ST8SIA6: variants seen among roughly 807,000 people sequenced by gnomAD.
The protein encoded by ST8SIA6 is ST8 alpha-N-acetyl-neuraminide alpha-2,8-sialyltransferase 6.
ST8SIA6 carries 39 observed loss-of-function variants against 33.6 expected under a neutral mutation model. The ratio of observed to expected loss-of-function variants is 1.16; its 90% CI spans 0.90 to 1.52. The LOEUF (loss-of-function observed/expected upper bound fraction) is 1.52, where lower values mean the gene tolerates loss of function less well. Among genes scored for constraint, ST8SIA6 ranks in the 40% most tolerant of loss-of-function variants. The probability of loss-of-function intolerance (pLI) is 0.00; values close to 1 mark genes in which losing one functional copy is unlikely to be tolerated. For missense variants in ST8SIA6, 441 were observed against 443.8 expected, an observed-to-expected ratio of 0.99 and a Z score of 0.06; for synonymous variants, 172 against 167.2, an observed-to-expected ratio of 1.03 and a Z score of -0.22.
chr10:17,371,539 C>T (rs1011451909), intron 3 of ST8SIA6, among the ~76,000 whole-genome samples: 5 of 151,812 alleles, frequency 3.3e-5, no homozygotes, highest in Non-Finnish European at 7.4e-5. Context: ...AATCTCAACA[C>T]CTTGGAAGGG....
intron 2 of ST8SIA6, chr10:17,408,202 G>A (rs895136429): frequency 3.9e-5 from 6 of 152,570 alleles, no homozygotes; most frequent in African/African-American, 1.4e-4. Flanking sequence ...GATGACGACC[G>A]AAGAAACCCT....
intron 2 of ST8SIA6, among the ~76,000 whole-genome samples, chr10:17,446,221 C>G (rs72778947): frequency 0.1 from 15,073 of 151,254 alleles, 1,125 homozygotes; most frequent in Non-Finnish European, 0.15. Context: ...ACATCTAGGT[C>G]GAAAACAAAC....
intron 4 of ST8SIA6, among the ~76,000 whole-genome samples, chr10:17,356,429 G>T (rs1161967436): frequency 6.7e-6 from 1 of 150,344 alleles, no homozygotes; most frequent in African/African-American, 2.5e-5. Context: ...CTGTCAGCCA[G>T]CCTGCAGTGC....
chr10:17,385,983 G>A (rs1850328262), intron 3 of ST8SIA6, among the ~76,000 whole-genome samples: 1 of 152,062 alleles, frequency 6.6e-6, no homozygotes, highest in South Asian at 2.1e-4. Context: ...AGGGTTTTGA[G>A]ACCAACCTGG....
At chr10:17,337,094 G>C (rs76478444) in intron 4 of ST8SIA6, among the ~76,000 whole-genome samples, 3 of 152,252 alleles carry the variant, frequency 2.0e-5, no homozygotes, top group Admixed American at 6.5e-5. Flanking sequence ...TCTCGTGATA[G>C]TGACTGAGTT....
At chr10:17,428,063 C>T (rs1290267706) in intron 2 of ST8SIA6, among the ~76,000 whole-genome samples, 2 of 152,232 alleles carry the variant, frequency 1.3e-5, no homozygotes, top group East Asian at 1.9e-4. Context: ...GTTTTGACTT[C>T]ATTTTAAGCC....
At chr10:17,400,900 A>G (rs946316873) in intron 2 of ST8SIA6, among the ~76,000 whole-genome samples, 1 of 152,204 alleles carries the variant, frequency 6.6e-6, no homozygotes, top group African/African-American at 2.4e-5. Flanking sequence ...CACCACTCCT[A>G]TTCAACAAAG....
chr10:17,442,244 C>G (rs1418769962), intron 2 of ST8SIA6, among the ~76,000 whole-genome samples: 1 of 152,208 alleles, frequency 6.6e-6, no homozygotes, highest in Non-Finnish European at 1.5e-5. Flanking sequence ...AAACCTTATA[C>G]AGTGGGCAAT....
rs910719522 is a variant in ST8SIA6 at position 17,392,722 on chromosome 10, G to C, written c.201-2102C>G. On this transcript the variant is annotated intron_variant, in intron 2 of 7. Transcript: ENST00000377602. ...GAGAGAGCTGATGGCAACTCCTTTT[G>C]CTTGTCAGGATAGAATAGACTATGA... Among the ~76,000 whole-genome samples, 4 of 152,190 alleles carry C rather than the reference G, an allele frequency of 2.6e-5. No individual in the cohort carries two copies. In the East Asian group the frequency reaches 7.7e-4, roughly 29 times the overall value.
At chr10:17,331,794 T>A (rs892826966) in intron 4 of ST8SIA6, among the ~76,000 whole-genome samples, 1 of 152,232 alleles carries the variant, frequency 6.6e-6, no homozygotes, top group African/African-American at 2.4e-5. Context: ...ATTTCTTTTT[T>A]AATTTTACTT....
chr10:17,412,492 A>C (rs1851484094), intron 2 of ST8SIA6, among the ~76,000 whole-genome samples: 1 of 152,168 alleles, frequency 6.6e-6, no homozygotes, highest in Non-Finnish European at 1.5e-5. Context: ...ATATGATGTG[A>C]TCTAACAAGG....
intron 4 of ST8SIA6, among the ~76,000 whole-genome samples, chr10:17,340,664 C>A (rs535021537): frequency 6.6e-6 from 1 of 152,274 alleles, no homozygotes; most frequent in African/African-American, 2.4e-5. Flanking sequence ...AGTGTTATTT[C>A]TTTTGCAGCA....
At chr10:17,360,090 G>A (rs1172247588) in intron 3 of ST8SIA6, among the ~76,000 whole-genome samples, 1 of 152,114 alleles carries the variant, frequency 6.6e-6, no homozygotes, top group Non-Finnish European at 1.5e-5. Context: ...TGAGAGAGAA[G>A]TTTATTGACA....
intron 2 of ST8SIA6, among the ~76,000 whole-genome samples, chr10:17,425,502 G>A (rs971488612): frequency 9.9e-5 from 15 of 152,182 alleles, no homozygotes; most frequent in African/African-American, 3.6e-4. Flanking sequence ...GTGAGGCGGA[G>A]GCTGCAGTGG....
At chr10:17,433,634 C>T (rs998868715) in intron 2 of ST8SIA6, among the ~76,000 whole-genome samples, 3 of 152,150 alleles carry the variant, frequency 2.0e-5, no homozygotes, top group Non-Finnish European at 2.9e-5. Context: ...GCACCTGGGA[C>T]TCAGGGATGC....
chr10:17,441,939 G>A (rs916796347), intron 2 of ST8SIA6, among the ~76,000 whole-genome samples: 1 of 151,562 alleles, frequency 6.6e-6, no homozygotes, highest in African/African-American at 2.4e-5. Flanking sequence ...TGTGATCTGG[G>A]CTCACTGCAA....
At chr10:17,407,977 A>G (rs1046876606) in intron 2 of ST8SIA6, 1 of 152,790 alleles carries the variant, frequency 6.5e-6, no homozygotes, top group African/African-American at 2.4e-5. Flanking sequence ...GATAAAAATC[A>G]TAATAAAGGA....
chr10:17,321,771 T>A (rs1847956931), intron 7 of ST8SIA6, among the ~76,000 whole-genome samples: 2 of 152,188 alleles, frequency 1.3e-5, no homozygotes, highest in Non-Finnish European at 2.9e-5. Flanking sequence ...GATTTGTACA[T>A]CTTTTGCACA....
At chr10:17,384,815 G>A (rs149399173) in intron 3 of ST8SIA6, among the ~76,000 whole-genome samples, 158 of 152,200 alleles carry the variant, frequency 1.0e-3, no homozygotes, top group African/African-American at 3.4e-3. Flanking sequence ...CGAGTAATTG[G>A]CCTATATCAA....
Sources: allele counts gnomAD v4.1 joint callset (sites outside exome capture counted in the v4.1 genomes callset), GRCh38; gene constraint gnomAD v4.1.1; transcripts MANE v1.5; gene names NCBI Gene and HGNC (gene_info 2026-07-23, HGNC 2026-07-21).